Variants in CACNA1C observed in about 807,000 individuals in gnomAD.
CACNA1C encodes voltage-dependent L-type calcium channel subunit alpha-1C.
A neutral mutation model predicts 229.0 loss-of-function variants in CACNA1C; 30 were observed. The observed-to-expected ratio is 0.13, with a 90% CI of 0.10 to 0.18. CACNA1C has a LOEUF of 0.18. Ranked by LOEUF, CACNA1C falls within the 10% of genes least tolerant of loss-of-function variation. The pLI, the probability that CACNA1C is intolerant of heterozygous loss-of-function variation, is 1.00. For missense variants in CACNA1C, 1,658 were observed against 2,845.0 expected, an observed-to-expected ratio of 0.58 and a Z score of 9.49; for synonymous variants, 1,114 against 1,132.5, an observed-to-expected ratio of 0.98 and a Z score of 0.33.
intron 1 of CACNA1C, among the ~76,000 whole-genome samples, chr12:1,977,845 T>C (rs2034901654): frequency 6.6e-6 from 1 of 152,258 alleles, no homozygotes; most frequent in Non-Finnish European, 1.5e-5. Context: ...TATGGGTATA[T>C]ACAGGTACAC....
chr12:2,645,886 T>C (rs1048994787), intron 30 of CACNA1C, among the ~76,000 whole-genome samples: 1 of 152,178 alleles, frequency 6.6e-6, no homozygotes. Context: ...AACTTAATCT[T>C]TGAGTCTCTA....
intron 3 of CACNA1C, among the ~76,000 whole-genome samples, chr12:2,173,718 C>T (rs1383688230): frequency 6.6e-6 from 1 of 152,094 alleles, no homozygotes; most frequent in Admixed American, 6.5e-5. Flanking sequence ...CACAACTGCC[C>T]CACTGCCACC....
chr12:2,536,141 T>C (rs977111292), intron 9 of CACNA1C, among the ~76,000 whole-genome samples: 2 of 152,236 alleles, frequency 1.3e-5, no homozygotes, highest in African/African-American at 4.8e-5. Context: ...GCTGGGCCCC[T>C]GTAGATCCTC....
chr12:2,520,709 C>G (rs1448375328), intron 9 of CACNA1C, among the ~76,000 whole-genome samples: 3 of 128,416 alleles, frequency 2.3e-5, no homozygotes, highest in Non-Finnish European at 4.7e-5. Context: ...TTCTCATTGA[C>G]CAATGGCCGT....
chr12:2,097,334 G>C (rs989457296), intron 1 of CACNA1C, among the ~76,000 whole-genome samples: 1 of 151,814 alleles, frequency 6.6e-6, no homozygotes, highest in African/African-American at 2.4e-5. Flanking sequence ...TTTTAGTAGA[G>C]ACGGGGTTTC....
chr12:2,155,442 G>A (rs900261096), intron 3 of CACNA1C, among the ~76,000 whole-genome samples: 7 of 152,092 alleles, frequency 4.6e-5, no homozygotes, highest in African/African-American at 1.7e-4. Flanking sequence ...GGATCTTAAG[G>A]ACTTTTTCAG....
intron 3 of CACNA1C, among the ~76,000 whole-genome samples, chr12:2,337,948 AG>A (rs1444439433): frequency 6.6e-6 from 1 of 152,158 alleles, no homozygotes; most frequent in Non-Finnish European, 1.5e-5. Context: ...GGCAGCCCCC[AG>A]GCAGATCTCC....
chr12:2,462,755 G>A (rs1451248999), intron 5 of CACNA1C, among the ~76,000 whole-genome samples: 2 of 152,018 alleles, frequency 1.3e-5, no homozygotes, highest in Non-Finnish European at 2.9e-5. Context: ...TACTTCTTCT[G>A]TCTCATTTGA....
At position 2,154,400 on chromosome 12, in the gene CACNA1C, C is replaced by A. The variant is rs115966005; in HGVS notation, c.477+33970C>A. Among the ~76,000 whole-genome samples the A allele has an allele frequency of 4.2e-3, 639 of 152,340 alleles. 2 individuals carry two copies. Among genetic ancestry groups the A allele is most frequent in the African/African-American group, 0.014 (596 of 41,572 alleles). ...CAGAGCTGCTTCCTTCCCGCACACA[C>A]GGAATCTTCCTGCTCCCTGCCCCAC... On this transcript the variant is annotated intron_variant, in intron 3 of 46. Coordinates refer to ENST00000399655, the MANE Select transcript of CACNA1C (RefSeq NM_000719.7).
At chr12:2,443,963 G>A (rs1203542863) in intron 3 of CACNA1C, among the ~76,000 whole-genome samples, 5 of 152,002 alleles carry the variant, frequency 3.3e-5, no homozygotes, top group African/African-American at 1.2e-4. Context: ...GTCAGCACAC[G>A]CACACACACA....
chr12:2,548,010 T>C (rs2099884938), intron 9 of CACNA1C, among the ~76,000 whole-genome samples: 2 of 152,162 alleles, frequency 1.3e-5, no homozygotes, highest in African/African-American at 4.8e-5. Context: ...TTTTTCTACG[T>C]GGCCTAGCCC....
intron 3 of CACNA1C, among the ~76,000 whole-genome samples, chr12:2,183,450 A>G (rs2096901814): frequency 6.6e-6 from 1 of 152,210 alleles, no homozygotes. Flanking sequence ...CTATTTCCAC[A>G]AGTGTGGGAA....
At chr12:2,099,849 A>T (rs140560193) in intron 1 of CACNA1C, among the ~76,000 whole-genome samples, 1 of 152,228 alleles carries the variant, frequency 6.6e-6, no homozygotes, top group Non-Finnish European at 1.5e-5. Context: ...AGCTCCTTGC[A>T]GCTCTGTCCT....
At chr12:2,211,534 CT>C (rs1166702505) in intron 3 of CACNA1C, among the ~76,000 whole-genome samples, 1 of 152,176 alleles carries the variant, frequency 6.6e-6, no homozygotes, top group Non-Finnish European at 1.5e-5. Context: ...CCTTATGCAT[CT>C]TTATGATTAA....
At chr12:2,210,867 G>T (rs2097899102) in intron 3 of CACNA1C, among the ~76,000 whole-genome samples, 1 of 152,074 alleles carries the variant, frequency 6.6e-6, no homozygotes, top group South Asian at 2.1e-4. Flanking sequence ...CTCCTCTCTG[G>T]TAACTCCTTT....
At chr12:2,112,873 C>T (rs2082306735) in intron 1 of CACNA1C, among the ~76,000 whole-genome samples, 1 of 152,198 alleles carries the variant, frequency 6.6e-6, no homozygotes, top group Non-Finnish European at 1.5e-5. Flanking sequence ...TATTGTCTGT[C>T]ACTGGTGTGA....
At chr12:2,293,202 GA>G (rs2093684005) in intron 3 of CACNA1C, among the ~76,000 whole-genome samples, 1 of 152,186 alleles carries the variant, frequency 6.6e-6, no homozygotes, top group South Asian at 2.1e-4. Flanking sequence ...AATCTCCTCT[GA>G]AGACCAAAAG....
chr12:2,480,027 T>C (rs374738709), intron 5 of CACNA1C, among the ~76,000 whole-genome samples: 10 of 152,328 alleles, frequency 6.6e-5, no homozygotes, highest in African/African-American at 1.4e-4. Flanking sequence ...TCCTCCACTT[T>C]ACCAGCGAGG....
intron 13 of CACNA1C, among the ~76,000 whole-genome samples, chr12:2,577,900 G>A (rs1441382429): frequency 1.4e-5 from 2 of 147,296 alleles, no homozygotes; most frequent in East Asian, 2.0e-4. Flanking sequence ...ACGGAGTCTC[G>A]CTCTGTCGCC....
Sources: gnomAD v4.1 joint callset for allele counts (sites outside exome capture counted in the v4.1 genomes callset) on GRCh38, gnomAD v4.1.1 for gene constraint, MANE v1.5 for transcripts, NCBI Gene and HGNC (gene_info 2026-07-23, HGNC 2026-07-21) for gene names.